The following ATAD2B variants were observed in gnomAD, a reference collection of about 807,000 sequenced individuals.
ATAD2B encodes ATPase family AAA domain-containing protein 2B.
Under a neutral mutation model 167.6 loss-of-function variants are expected in ATAD2B, and 40 were observed. That is an observed-to-expected ratio of 0.24 (90% CI 0.19 to 0.31). ATAD2B has a LOEUF of 0.31. ATAD2B is among the 10% of genes least tolerant of loss of function. The pLI is 1.00. For missense variants in ATAD2B, 1,242 were observed against 1,757.2 expected (o/e 0.71, Z 5.24); for synonymous variants, 579 against 596.5 (o/e 0.97, Z 0.43).
chr2:23,907,809 C>A (rs1459264769), intron 1 of ATAD2B, among the ~76,000 whole-genome samples: 1 of 152,064 alleles, frequency 6.6e-6, no homozygotes, highest in South Asian at 2.1e-4. Flanking sequence ...CAATGGAACA[C>A]AACAGAGCCC....
At chr2:23,715,125 C>T in the ATAD2B span, among the ~76,000 whole-genome samples, 1 of 152,288 alleles carries the variant, frequency 6.6e-6, no homozygotes. Context: ...GACCTGACAA[C>T]TTCTGGAAAA....
intron 7 of ATAD2B, among the ~76,000 whole-genome samples, 153 bp downstream of exon 7, chr2:23,880,486 C>T (rs1697713468): frequency 1.3e-5 from 2 of 151,838 alleles, no homozygotes; most frequent in South Asian, 2.1e-4. Flanking sequence ...TGGCATAAAC[C>T]CAGGAGGCAC....
Position 23,751,991 on chromosome 2 carries a change from A to G in ATAD2B, c.*55T>C. 7.4e-7 allele frequency: 1 copy of G among 1,351,594 alleles called. No individual in the cohort carries two copies. Among genetic ancestry groups the G allele is most frequent in the South Asian group, 1.3e-5 (1 of 79,238 alleles). 83.7% of individuals were successfully genotyped at this position (1,351,594 alleles called of 1,614,324 possible). Reference sequence around the variant, plus strand: ...TGCAATTTGAAATTGAATGGCTCAGAAGACTGCTCTGTGAGGAGCAGATTG... The same window carrying G: ...TGCAATTTGAAATTGAATGGCTCAGGAGACTGCTCTGTGAGGAGCAGATTG... On this transcript the variant is annotated 3_prime_UTR_variant, in exon 28 of 28. Coordinates refer to ENST00000238789, the MANE Select transcript of ATAD2B (RefSeq NM_017552.4).
chr2:23,811,596 CGGGGGTGGGAGGCCAGGGGAGGG>C (rs1465853789), intron 17 of ATAD2B: 1 of 151,980 alleles, frequency 6.6e-6, no homozygotes, highest in African/African-American at 2.4e-5. Context: ...GGGGCCTGTC[CGGGGGTGGGAGGCCAGGGGAGGG>C]ATAGCATTAG....
chr2:23,856,456 C>A, intron 13 of ATAD2B: 1 of 414,918 alleles, frequency 2.4e-6, no homozygotes. Flanking sequence ...AAAATAGAAG[C>A]AAAACAAATC....
At chr2:23,738,902 A>C in the ATAD2B span, among the ~76,000 whole-genome samples, 1 of 152,188 alleles carries the variant, frequency 6.6e-6, no homozygotes, top group South Asian at 2.1e-4. Flanking sequence ...TTGCAATCCT[A>C]GTCTCTGATA....
chr2:23,912,506 C>CA (rs111424079), intron 1 of ATAD2B, among the ~76,000 whole-genome samples: 9,693 of 144,190 alleles, frequency 0.067, 400 homozygotes, highest in African/African-American at 0.13. Flanking sequence ...GACCCCATCT[C>CA]AAAAAAAAAC....
chr2:23,925,452 G>C (rs932939001), intron 1 of ATAD2B, among the ~76,000 whole-genome samples: 1 of 152,148 alleles, frequency 6.6e-6, no homozygotes, highest in Non-Finnish European at 1.5e-5. Context: ...TAGACCCCTA[G>C]AACATAAAAT....
chr2:23,868,622 A>G (rs1338192961), intron 9 of ATAD2B, among the ~76,000 whole-genome samples: 2 of 152,192 alleles, frequency 1.3e-5, no homozygotes, highest in African/African-American at 2.4e-5. Flanking sequence ...GAATATGTCT[A>G]CTCAGTTATA....
chr2:23,797,000 C>G (rs1454694311), intron 19 of ATAD2B, among the ~76,000 whole-genome samples: 1 of 152,108 alleles, frequency 6.6e-6, no homozygotes, highest in Non-Finnish European at 1.5e-5. Context: ...TCTTCCTATA[C>G]TATCAGATAT....
intron 16 of ATAD2B, 70 bp from the exon 17 acceptor site, chr2:23,819,952 A>C (rs746511297): frequency 1.7e-4 from 194 of 1,156,128 alleles, no homozygotes; most frequent in Admixed American, 3.8e-4. Flanking sequence ...ACCAAAGCTA[A>C]GAAAAATTGG....
At chr2:23,837,026 T>G (rs1690096919) in intron 13 of ATAD2B, among the ~76,000 whole-genome samples, 1 of 152,164 alleles carries the variant, frequency 6.6e-6, no homozygotes, top group African/African-American at 2.4e-5. Context: ...AGGAGCTTTG[T>G]CTGCCTCCTG....
the ATAD2B span, among the ~76,000 whole-genome samples, chr2:23,706,087 T>C: frequency 8.5e-5 from 13 of 152,108 alleles, no homozygotes; most frequent in African/African-American, 2.9e-4. Context: ...TTATTCTCTC[T>C]CGTCATTCTT....
At chr2:23,868,380 A>C (rs1023150890) in intron 9 of ATAD2B, among the ~76,000 whole-genome samples, 3 of 152,220 alleles carry the variant, frequency 2.0e-5, no homozygotes, top group Admixed American at 2.0e-4. Context: ...AGCTCACTAC[A>C]GCCTCAACCT....
chr2:23,753,582 A>T (rs1675605315), intron 27 of ATAD2B, among the ~76,000 whole-genome samples: 1 of 152,202 alleles, frequency 6.6e-6, no homozygotes, highest in South Asian at 2.1e-4. Flanking sequence ...GCTCATATTT[A>T]TACAGGAAGA....
At chr2:23,723,094 C>T in the ATAD2B span, among the ~76,000 whole-genome samples, 4 of 152,158 alleles carry the variant, frequency 2.6e-5, no homozygotes, top group Non-Finnish European at 5.9e-5. Flanking sequence ...GAGTTTGAGA[C>T]AAGCCTGGGC....
At chr2:23,694,169 T>C in the ATAD2B span, among the ~76,000 whole-genome samples, 1 of 152,340 alleles carries the variant, frequency 6.6e-6, no homozygotes, top group Non-Finnish European at 1.5e-5. Context: ...TCTGGGCCTC[T>C]CCAGCAGAAT....
chr2:23,844,757 A>G (rs1691470397), intron 13 of ATAD2B, among the ~76,000 whole-genome samples: 1 of 152,198 alleles, frequency 6.6e-6, no homozygotes, highest in African/African-American at 2.4e-5. Flanking sequence ...CAAGAAACTT[A>G]ACATATGTGT....
rs869284711 is a variant in ATAD2B, at chr2:23,855,192, C to CAA, written c.1568+2221_1568+2222dup. Among the ~76,000 whole-genome samples the CAA allele has an allele frequency of 3.3e-3, 311 of 95,204 alleles. 2 individuals are homozygous for CAA. Among genetic ancestry groups the CAA allele is most frequent in the African/African-American group, 0.011 (292 of 27,406 alleles). 62.5% of individuals were successfully genotyped at this position (95,204 alleles called of 152,430 possible). A position where few individuals can be genotyped will look rare whatever the true frequency, so the allele number is the denominator to read the frequency against. ...AGGGCAACAGAGCAAGACTCTGTCT[C>CAA]AAAAAAAAAAAAAAAACACAAGGAC... On this transcript the variant is annotated intron_variant, in intron 13 of 27. Transcript: ENST00000238789.
Sources: gnomAD v4.1 joint callset for allele counts (sites outside exome capture counted in the v4.1 genomes callset) on GRCh38, gnomAD v4.1.1 for gene constraint, MANE v1.5 for transcripts, NCBI Gene and HGNC (gene_info 2026-07-23, HGNC 2026-07-21) for gene names.